The following MYO5B variants were observed in gnomAD, a reference collection of about 807,000 sequenced individuals.
The protein encoded by MYO5B is unconventional myosin-Vb.
A neutral mutation model predicts 229.3 loss-of-function variants in MYO5B; 143 were observed. The observed-to-expected ratio is 0.62, with a 90% CI of 0.54 to 0.72. MYO5B has a LOEUF of 0.72. Among genes scored for constraint, MYO5B ranks in the 30% least tolerant of loss-of-function variants. The pLI, the probability that MYO5B is intolerant of heterozygous loss-of-function variation, is 0.00. For synonymous variants in MYO5B, 918 were observed against 885.2 expected, an observed-to-expected ratio of 1.04 and a Z score of -0.66; for missense variants, 2,321 against 2,331.0, an observed-to-expected ratio of 1.00 and a Z score of 0.09.
intron 1 of MYO5B, among the ~76,000 whole-genome samples, chr18:50,077,188 A>AAAAAAAAAAAAAAAAC (rs2031102270): frequency 1.3e-5 from 2 of 150,782 alleles, no homozygotes; most frequent in Non-Finnish European, 3.0e-5. Context: ...AAAAAAAAAA[A>AAAAAAAAAAAAAAAAC]AAAAAGACAA....
At chr18:49,839,028 T>C (rs969654794) in intron 36 of MYO5B, 116 bp downstream of exon 36, 97 of 1,338,586 alleles carry the variant, frequency 7.2e-5, no homozygotes, top group Middle Eastern at 2.5e-4. Flanking sequence ...AGGTTCTGGC[T>C]TTCTGGAGGT....
At chr18:50,118,130 G>T (rs1012322970) in intron 1 of MYO5B, among the ~76,000 whole-genome samples, 2 of 152,132 alleles carry the variant, frequency 1.3e-5, no homozygotes, top group Admixed American at 1.3e-4. Flanking sequence ...CAACTCAGTA[G>T]GATACAACTG....
At chr18:49,925,880 T>G (rs999732768) in intron 17 of MYO5B, among the ~76,000 whole-genome samples, 1 of 152,232 alleles carries the variant, frequency 6.6e-6, no homozygotes, top group Non-Finnish European at 1.5e-5. Flanking sequence ...ACTGAACTAC[T>G]GCACCCATTG....
intron 36 of MYO5B, among the ~76,000 whole-genome samples, chr18:49,838,118 T>C (rs1226650191): frequency 6.6e-6 from 1 of 152,194 alleles, no homozygotes. Context: ...CTGGGTGTCA[T>C]CCTCGTCCAG....
At position 49,889,521 on chromosome 18, in the gene MYO5B, A is replaced by C. The variant is rs9956998; in HGVS notation, c.3045+5420T>G. On this transcript the variant is annotated intron_variant, in intron 22 of 39. Transcript: ENST00000285039. ...GGAACAAGGCTGTACCCTCTGAATC[A>C]GTCAACTACTGGTAGGTTTTACAGC... Among the ~76,000 whole-genome samples, 956 of 152,342 alleles carry C rather than the reference A, an allele frequency of 6.3e-3. 18 individuals carry two copies. The highest frequency in any genetic ancestry group is 0.022 in the African/African-American group (920 of 41,582).
intron 17 of MYO5B, among the ~76,000 whole-genome samples, chr18:49,917,578 C>T (rs151171933): frequency 8.1e-4 from 123 of 152,194 alleles, no homozygotes; most frequent in African/African-American, 2.6e-3. Context: ...GCCATCGAGA[C>T]GCCTTTCCCC....
intron 1 of MYO5B, among the ~76,000 whole-genome samples, chr18:50,072,804 A>G (rs1044909652): frequency 1.3e-5 from 2 of 152,166 alleles, no homozygotes; most frequent in African/African-American, 4.8e-5. Context: ...CGAGATGCCA[A>G]TAGGGAGCTC....
At chr18:49,860,126 C>T (rs556760819) in intron 29 of MYO5B, among the ~76,000 whole-genome samples, 1 of 152,262 alleles carries the variant, frequency 6.6e-6, no homozygotes, top group South Asian at 2.1e-4. Context: ...GGGAATGCAC[C>T]AGTCTCACTT....
At chr18:49,980,422 C>T (rs2025801302) in intron 9 of MYO5B, 22 bp downstream of exon 9, 1 of 1,508,380 alleles carries the variant, frequency 6.6e-7, no homozygotes, top group African/African-American at 1.4e-5. Context: ...CATTTTATCT[C>T]CGGTGTTGGT....
rs888593393 is a variant in MYO5B, at chr18:49,828,133, C to A, written c.5395-1510G>T. Reference sequence around the variant, plus strand: ...TTGAATCTGTGGTTGGCTGAATCTGCAGATATGGAACCTGTGGATATGGAG... The same window carrying A: ...TTGAATCTGTGGTTGGCTGAATCTGAAGATATGGAACCTGTGGATATGGAG... On this transcript the variant is annotated intron_variant, in intron 39 of 39. Transcript: ENST00000285039. Among the ~76,000 whole-genome samples the A allele has an allele frequency of 2.0e-5, 3 of 152,130 alleles. No homozygotes were observed. The East Asian group carries it at 5.8e-4, about 29-fold the overall frequency.
chr18:49,956,730 C>A (rs946441657), intron 12 of MYO5B, among the ~76,000 whole-genome samples: 1 of 152,154 alleles, frequency 6.6e-6, no homozygotes, highest in Admixed American at 6.5e-5. Context: ...GACCACTGAG[C>A]CAGGAGCCGG....
At chr18:50,190,185 C>T (rs766730994) in intron 1 of MYO5B, among the ~76,000 whole-genome samples, 3 of 152,184 alleles carry the variant, frequency 2.0e-5, no homozygotes, top group Non-Finnish European at 4.4e-5. Flanking sequence ...AGTAACTCTT[C>T]TATAGATAAG....
chr18:49,989,387 C>T (rs1256094575), intron 7 of MYO5B, among the ~76,000 whole-genome samples: 4 of 151,944 alleles, frequency 2.6e-5, no homozygotes, highest in Admixed American at 6.6e-5. Flanking sequence ...GCACAAAGAC[C>T]AACTACTCTG....
chr18:49,836,615 G>A (rs2023989430), intron 38 of MYO5B, 96 bp downstream of exon 38: 2 of 1,413,582 alleles, frequency 1.4e-6, no homozygotes, highest in East Asian at 2.3e-5. Flanking sequence ...GGGTGGGAGT[G>A]CAACACTAAC....
At chr18:49,865,557 G>A (rs531226594) in intron 27 of MYO5B, among the ~76,000 whole-genome samples, 1 of 152,308 alleles carries the variant, frequency 6.6e-6, no homozygotes, top group African/African-American at 2.4e-5. Context: ...TCACATGCTA[G>A]AGGAGCACTG....
chr18:50,192,079 A>G (rs946803000), intron 1 of MYO5B, among the ~76,000 whole-genome samples: 3 of 150,906 alleles, frequency 2.0e-5, no homozygotes, highest in African/African-American at 4.9e-5. Context: ...TTGAGAGAAA[A>G]AAAAAAAAAA....
At chr18:50,061,006 AGTGTGTGGTTAAACATTAAACTCCAGCCT>A (rs561157681) in intron 1 of MYO5B, among the ~76,000 whole-genome samples, 1,524 of 152,274 alleles carry the variant, frequency 0.01, 20 homozygotes, top group African/African-American at 0.035. Context: ...TCTCCCTACC[AGTGTGTGGTTAAACATTAAACTCCAGCCT>A]GCAGATTATT....
chr18:49,934,019 G>C (rs1423419744), intron 16 of MYO5B, among the ~76,000 whole-genome samples: 1 of 152,100 alleles, frequency 6.6e-6, no homozygotes, highest in Non-Finnish European at 1.5e-5. Context: ...GGGACTATAG[G>C]CATGCACCAC....
rs77801085 is a variant in MYO5B at position 49,975,620 on chromosome 18, C to T, written c.1057-1005G>A. Among the ~76,000 whole-genome samples, 1,248 of 152,250 alleles carry T rather than the reference C, an allele frequency of 8.2e-3. 10 individuals carry two copies. The highest frequency in any genetic ancestry group is 0.013 in the South Asian group (65 of 4,816). ...CTAAGATACATGGCAAACCCCTGGA[C>T]CACATCTTGACCTGGGAAGATCATC... is the stretch of plus-strand genomic sequence containing the variant. On this transcript the variant is annotated intron_variant, in intron 9 of 39. Transcript: ENST00000285039.
Sources: gnomAD v4.1 joint callset for allele counts (sites outside exome capture counted in the v4.1 genomes callset) on GRCh38, gnomAD v4.1.1 for gene constraint, MANE v1.5 for transcripts, NCBI Gene and HGNC (gene_info 2026-07-23, HGNC 2026-07-21) for gene names.